Variants in PDE7B observed in about 807,000 individuals in gnomAD.
The protein encoded by PDE7B is 3',5'-cyclic-AMP phosphodiesterase 7B.
PDE7B carries 29 observed loss-of-function variants against 56.2 expected under a neutral mutation model. The observed-to-expected ratio is 0.52, with a 90% confidence interval of 0.38 to 0.70. PDE7B has a LOEUF of 0.70. Ranked by LOEUF, PDE7B falls within the 30% of genes least tolerant of loss-of-function variation. PDE7B has a pLI of 0.00. For missense variants in PDE7B, 490 were observed against 565.0 expected, an observed-to-expected ratio of 0.87 and a Z score of 1.35; for synonymous variants, 197 against 196.9, an observed-to-expected ratio of 1.00 and a Z score of 0.00.
intron 2 of PDE7B, among the ~76,000 whole-genome samples, chr6:136,039,594 G>T (rs1562476959): frequency 6.6e-6 from 1 of 152,120 alleles, no homozygotes; most frequent in Non-Finnish European, 1.5e-5. Flanking sequence ...AATCTGTAAA[G>T]AATATTATTA....
At chr6:136,156,901 A>G (rs1341645333) in intron 8 of PDE7B, among the ~76,000 whole-genome samples, 1 of 152,194 alleles carries the variant, frequency 6.6e-6, no homozygotes, top group East Asian at 1.9e-4. Context: ...AAAAAGATGA[A>G]AAAAATTTCT....
intron 1 of PDE7B, among the ~76,000 whole-genome samples, chr6:135,919,803 G>A (rs374548030): frequency 1.8e-3 from 279 of 152,276 alleles, no homozygotes; most frequent in African/African-American, 6.4e-3. Flanking sequence ...AAGGAGTTGC[G>A]AAAATTAAAG....
At chr6:136,006,761 G>A (rs987026087) in intron 2 of PDE7B, among the ~76,000 whole-genome samples, 18 of 152,072 alleles carry the variant, frequency 1.2e-4, no homozygotes, top group Non-Finnish European at 2.4e-4. Context: ...CATTGATTTT[G>A]TATCCTGAGA....
Position 136,155,682 on chromosome 6 carries a change from C to T in PDE7B, c.635C>T (p.Ala212Val). 1 of 1,613,556 alleles carries T rather than the reference C, an allele frequency of 6.2e-7. No homozygotes were observed. The highest frequency in any genetic ancestry group is 8.5e-7 in the Non-Finnish European group (1 of 1,179,508). The change falls in exon 8 of 13, where the codon GCA becomes GTA. Residue 212 changes from alanine to valine, a missense_variant. Coordinates refer to ENST00000308191, the MANE Select transcript of PDE7B (RefSeq NM_018945.4). Reference protein sequence around the residue: ...DIMLGLLAAAAHDVDHPGVNQ... With the variant: ...DIMLGLLAAAVHDVDHPGVNQ... ...ATGCTTGGACTGCTGGCTGCAGCAG[C>T]ACACGATGTGGACCACCCAGGGGTG...
In PDE7B at chr6:136,167,280, T is replaced by C. The variant is rs185443501; in HGVS notation, c.712-6517T>C. 2.4e-3 allele frequency among the ~76,000 whole-genome samples: 365 copies of C among 152,308 alleles called. 1 individual carries two copies. The highest frequency in any genetic ancestry group is 8.0e-3 in the African/African-American group (332 of 41,556). ...AAGTATTTATTATGTTTATTGTTTA[T>C]TGCCTGTCTCTCCCCATCTGATATG... On this transcript the variant is annotated intron_variant, in intron 8 of 12. Transcript: ENST00000308191.
In PDE7B at chr6:135,868,020, TAAAA is replaced by T. The variant is rs1004997750; in HGVS notation, c.21+16006_21+16009del. 3.3e-5 allele frequency among the ~76,000 whole-genome samples: 5 copies of T among 152,132 alleles called. No homozygotes were observed. In the South Asian group the frequency reaches 1.0e-3, roughly 31 times the overall value. The stretch of plus-strand genomic sequence containing the variant: ...TCAAAGCTCATTTTATGTGTTGAAT[TAAAA>T]AAAATTTATAAGTCTGATAAATTTG... On this transcript the variant is annotated intron_variant, in intron 1 of 12. Coordinates refer to ENST00000308191, the MANE Select transcript of PDE7B (RefSeq NM_018945.4).
intron 2 of PDE7B, among the ~76,000 whole-genome samples, chr6:136,104,894 C>T (rs1285777434): frequency 6.6e-6 from 1 of 152,162 alleles, no homozygotes; most frequent in African/African-American, 2.4e-5. Context: ...TGGACAGTGT[C>T]AGCACTGAAA....
chr6:135,900,206 G>A (rs1330564800), intron 1 of PDE7B, among the ~76,000 whole-genome samples: 1 of 151,910 alleles, frequency 6.6e-6, no homozygotes, highest in Non-Finnish European at 1.5e-5. Flanking sequence ...TATCTCGGGG[G>A]CACAGTGAGC....
chr6:136,094,572 C>T (rs1583877607), intron 2 of PDE7B: 1 of 152,472 alleles, frequency 6.6e-6, no homozygotes, highest in Non-Finnish European at 1.5e-5. Flanking sequence ...ACCTACCCCA[C>T]CCCTGCACAG....
chr6:136,039,443 C>T lies in PDE7B; in HGVS notation c.83-69288C>T, dbSNP rs76523357. On this transcript the variant is annotated intron_variant, in intron 2 of 12. Transcript: ENST00000308191. ...CAGTGGAATCCTGGCGTGCCATTGG[C>T]GGTGAGGGATGGGGTAGATGGAAAA... Among the ~76,000 whole-genome samples, 453 of 152,200 alleles carry T rather than the reference C, an allele frequency of 3.0e-3. 1 individual carries two copies. Among genetic ancestry groups the T allele is most frequent in the African/African-American group, 9.6e-3 (397 of 41,536 alleles).
intron 1 of PDE7B, among the ~76,000 whole-genome samples, chr6:135,880,978 C>A (rs1775598060): frequency 6.6e-6 from 1 of 152,166 alleles, no homozygotes; most frequent in African/African-American, 2.4e-5. Context: ...AGGCAAGAGT[C>A]ATCTCAGGGT....
chr6:136,134,857 G>T (rs1289504904), intron 3 of PDE7B, among the ~76,000 whole-genome samples: 3 of 151,876 alleles, frequency 2.0e-5, no homozygotes, highest in Non-Finnish European at 2.9e-5. Context: ...TGCAGCAGGG[G>T]TGCAGACAGT....
At chr6:136,091,891 A>G (rs1278708238) in intron 2 of PDE7B, among the ~76,000 whole-genome samples, 1 of 152,216 alleles carries the variant, frequency 6.6e-6, no homozygotes, top group Non-Finnish European at 1.5e-5. Context: ...AAAAAGCAAT[A>G]CAGAGTATCA....
At chr6:136,102,995 A>C (rs1027208442) in intron 2 of PDE7B, among the ~76,000 whole-genome samples, 5 of 152,214 alleles carry the variant, frequency 3.3e-5, no homozygotes, top group Admixed American at 6.5e-5. Context: ...AAGAGAAGAA[A>C]GAACTTTTTT....
At chr6:136,144,127 A>G (rs1048918262) in intron 3 of PDE7B, among the ~76,000 whole-genome samples, 1 of 152,114 alleles carries the variant, frequency 6.6e-6, no homozygotes, top group Non-Finnish European at 1.5e-5. Context: ...ATATAGAGCT[A>G]TCACTACATT....
chr6:136,146,394 A>G (rs553753767), intron 3 of PDE7B, among the ~76,000 whole-genome samples: 13 of 152,330 alleles, frequency 8.5e-5, no homozygotes, highest in African/African-American at 3.1e-4. Context: ...GTCAACACTC[A>G]AGTTTTGAAA....
chr6:136,065,878 CTTTA>C (rs1287481646), intron 2 of PDE7B, among the ~76,000 whole-genome samples: 1 of 152,122 alleles, frequency 6.6e-6, no homozygotes, highest in Non-Finnish European at 1.5e-5. Context: ...AAGATATGCT[CTTTA>C]TTTTTTATCA....
intron 1 of PDE7B, among the ~76,000 whole-genome samples, chr6:135,895,126 G>T (rs1432197091): frequency 6.6e-6 from 1 of 150,924 alleles, no homozygotes; most frequent in African/African-American, 2.4e-5. Flanking sequence ...ATCATGTGAT[G>T]AAATAAAAAA....
chr6:136,157,508 GC>G (rs1316024706), intron 8 of PDE7B, among the ~76,000 whole-genome samples: 1 of 152,182 alleles, frequency 6.6e-6, no homozygotes, highest in Non-Finnish European at 1.5e-5. Flanking sequence ...AACCCTGGAG[GC>G]AGAGGTTGAA....
Sources: allele counts gnomAD v4.1 joint callset (sites outside exome capture counted in the v4.1 genomes callset), GRCh38; gene constraint gnomAD v4.1.1; transcripts MANE v1.5; gene names NCBI Gene and HGNC (gene_info 2026-07-23, HGNC 2026-07-21).